LMO7: variants seen among roughly 807,000 people sequenced by gnomAD.
LMO7 encodes LIM domain 7.
LMO7 carries 120 observed loss-of-function variants against 206.5 expected under a neutral mutation model. The observed-to-expected ratio is 0.58, with a 90% CI of 0.50 to 0.68. LMO7 has a LOEUF of 0.68. LMO7 is among the 30% of genes least tolerant of loss of function. The pLI is 0.00. For synonymous variants in LMO7, 706 were observed against 681.5 expected (o/e 1.04, Z -0.56); for missense variants, 1,959 against 1,957.9 (o/e 1.00, Z -0.01).
At chr13:75,759,939 C>T (rs2048014253) in intron 3 of LMO7, among the ~76,000 whole-genome samples, 1 of 152,110 alleles carries the variant, frequency 6.6e-6, no homozygotes, top group African/African-American at 2.4e-5. Flanking sequence ...CCTCAGTGGA[C>T]AGATGTGTGT....
At chr13:75,660,676 T>G (rs2038499710) in intron 1 of LMO7, among the ~76,000 whole-genome samples, 1 of 152,202 alleles carries the variant, frequency 6.6e-6, no homozygotes, top group South Asian at 2.1e-4. Flanking sequence ...TACCAGAGGC[T>G]TGGGGCTTCA....
At chr13:75,814,556 T>G (rs2056785121) in intron 11 of LMO7, among the ~76,000 whole-genome samples, 1 of 152,206 alleles carries the variant, frequency 6.6e-6, no homozygotes, top group Admixed American at 6.5e-5. Context: ...AGATCATTAA[T>G]TTAACACATT....
At chr13:75,637,479 C>A (rs771212322) in intron 1 of LMO7, among the ~76,000 whole-genome samples, 1 of 152,146 alleles carries the variant, frequency 6.6e-6, no homozygotes, top group Non-Finnish European at 1.5e-5. Context: ...AGGTTAACAT[C>A]AGGACTTCTA....
chr13:75,799,143 C>A (rs913220587), intron 6 of LMO7, among the ~76,000 whole-genome samples: 1 of 152,172 alleles, frequency 6.6e-6, no homozygotes, highest in African/African-American at 2.4e-5. Context: ...ATGAAATCTC[C>A]TTGAAATCTA....
At chr13:75,663,151 C>G (rs1050491979) in intron 1 of LMO7, among the ~76,000 whole-genome samples, 1 of 151,680 alleles carries the variant, frequency 6.6e-6, no homozygotes. Flanking sequence ...AAATCTCTCT[C>G]TCTATAAAAC....
intron 4 of LMO7, among the ~76,000 whole-genome samples, chr13:75,786,405 C>T (rs1233671027): frequency 6.7e-5 from 10 of 148,724 alleles, no homozygotes; most frequent in African/African-American, 2.0e-4. Flanking sequence ...GATGGAGTCT[C>T]GCTCTGTTGC....
chr13:75,737,702 G>A (rs1279057922), intron 3 of LMO7, among the ~76,000 whole-genome samples: 7 of 117,616 alleles, frequency 6.0e-5, no homozygotes, highest in African/African-American at 2.0e-4. Flanking sequence ...GCAGTGAGCC[G>A]AGATCGCGCC....
At chr13:75,833,368 T>G (rs1449626822) in intron 16 of LMO7, among the ~76,000 whole-genome samples, 1 of 152,224 alleles carries the variant, frequency 6.6e-6, no homozygotes, top group Non-Finnish European at 1.5e-5. Context: ...CTTGACTAAT[T>G]ACTTTTAGTT....
rs113524790 is a variant in LMO7 at position 75,819,667 on chromosome 13, G to A, written c.2207+132G>A. On this transcript the variant is annotated intron_variant, in intron 13 of 30. Coordinates refer to ENST00000377534, the MANE Select transcript of LMO7 (RefSeq NM_001306080.2). ...ACTTTAGTCAAATATGCAAAGAAAC[G>A]TTTAAGATTTTGGTCTGCGGTGAAA... The A allele has an allele frequency of 1.5e-3, 1,386 of 928,514 alleles. 14 individuals carry two copies. In the African/African-American group the frequency reaches 0.021, roughly 14 times the overall value. 57.5% of individuals were successfully genotyped at this position (928,514 alleles called of 1,614,324 possible). A position where few individuals can be genotyped will look rare whatever the true frequency, so the allele number is the denominator to read the frequency against.
At chr13:75,840,939 A>G (rs765063173) in intron 22 of LMO7, among the ~76,000 whole-genome samples, 170 bp from the exon 23 acceptor site, 5 of 152,302 alleles carry the variant, frequency 3.3e-5, no homozygotes, top group South Asian at 2.1e-4. Context: ...TTAATTCAAT[A>G]TATGCTCTTT....
intron 6 of LMO7, among the ~76,000 whole-genome samples, chr13:75,797,075 T>C (rs1010996696): frequency 3.9e-5 from 6 of 152,216 alleles, no homozygotes; most frequent in Non-Finnish European, 8.8e-5. Flanking sequence ...ATTGCTATAC[T>C]CATCGTAAAC....
In LMO7 at chr13:75,650,225, G is replaced by A. The variant is rs535306714; in HGVS notation, c.69+13499G>A. ...GCTCACTGCAACCTCCACCTCTTGGGTTCAAGCGATTCTCCTGCCTCAGCC... is the reference window on the plus strand; with the variant it reads ...GCTCACTGCAACCTCCACCTCTTGGATTCAAGCGATTCTCCTGCCTCAGCC... On this transcript the variant is annotated intron_variant, in intron 1 of 30. Coordinates refer to ENST00000377534, the MANE Select transcript of LMO7 (RefSeq NM_001306080.2). Among the ~76,000 whole-genome samples the A allele has an allele frequency of 5.3e-5, 8 of 152,238 alleles. No individual in the cohort carries two copies. The South Asian group carries it at 1.7e-3, about 32-fold the overall frequency.
intron 1 of LMO7, among the ~76,000 whole-genome samples, chr13:75,647,704 A>T (rs997325046): frequency 2.6e-5 from 4 of 152,156 alleles, no homozygotes; most frequent in Admixed American, 2.6e-4. Context: ...AATAAAAAAA[A>T]ATAGAAACTT....
chr13:75,806,640 G>C (rs1272667385), intron 9 of LMO7: 1 of 152,328 alleles, frequency 6.6e-6, no homozygotes, highest in Non-Finnish European at 1.5e-5. Flanking sequence ...GGCAAGTCTA[G>C]GGAAAATGCA....
rs2060841462 is a variant in LMO7, at chr13:75,855,353, T to C, written c.4755T>C (p.His1585=). The C allele has an allele frequency of 6.2e-7, 1 of 1,611,188 alleles. No homozygotes were observed. The highest frequency in any genetic ancestry group is 1.3e-5 in the African/African-American group (1 of 74,832). Residue 1585 remains histidine (H), a synonymous_variant, in exon 29 of 31, where the codon CAT becomes CAC. Coordinates refer to ENST00000377534, the MANE Select transcript of LMO7 (RefSeq NM_001306080.2). ...TCGAGTCCCTGGGTCTTTGTTATCATTTGCATTGTTTTAAGGTGAGACTGA... is the reference window on the plus strand; with the variant it reads ...TCGAGTCCCTGGGTCTTTGTTATCACTTGCATTGTTTTAAGGTGAGACTGA... The part of the protein sequence containing the change: ...MIIESLGLCY[H]LHCFKCVACE...
chr13:75,665,401 A>T (rs1324086139), intron 1 of LMO7, among the ~76,000 whole-genome samples: 1 of 152,132 alleles, frequency 6.6e-6, no homozygotes, highest in Non-Finnish European at 1.5e-5. Context: ...AGATATTTTT[A>T]AAAATTTTTA....
intron 1 of LMO7, among the ~76,000 whole-genome samples, chr13:75,693,644 TCTC>T (rs2041669430): frequency 6.6e-6 from 1 of 152,214 alleles, no homozygotes; most frequent in African/African-American, 2.4e-5. Context: ...GTTTCAGACT[TCTC>T]CTCTCCTGTC....
chr13:75,737,790 A>AAT (rs1555305778), intron 3 of LMO7, among the ~76,000 whole-genome samples: 60 of 129,494 alleles, frequency 4.6e-4, no homozygotes, highest in African/African-American at 1.8e-3. Context: ...AATAAAAAAA[A>AAT]AAAAAAAAAA....
chr13:75,669,426 G>A (rs1379370041), intron 1 of LMO7, among the ~76,000 whole-genome samples: 2 of 152,118 alleles, frequency 1.3e-5, no homozygotes, highest in Non-Finnish European at 2.9e-5. Flanking sequence ...ATTCCCTAGT[G>A]GCCTAGAGCA....
Sources: allele counts gnomAD v4.1 joint callset (sites outside exome capture counted in the v4.1 genomes callset), GRCh38; gene constraint gnomAD v4.1.1; transcripts MANE v1.5; gene names NCBI Gene and HGNC (gene_info 2026-07-23, HGNC 2026-07-21).